CPEB1: variants seen among roughly 807,000 people sequenced by gnomAD.
The protein encoded by CPEB1 is cytoplasmic polyadenylation element-binding protein 1.
Under a neutral mutation model 65.8 loss-of-function variants are expected in CPEB1, and 7 were observed. The ratio of observed to expected loss-of-function variants is 0.11; its 90% confidence interval spans 0.06 to 0.20. The LOEUF is 0.20. Ranked by LOEUF, CPEB1 falls within the 10% of genes least tolerant of loss-of-function variation. CPEB1 has a pLI of 1.00. For missense variants in CPEB1, 551 were observed against 712.2 expected (o/e 0.77, Z 2.58); for synonymous variants, 262 against 260.0 (o/e 1.01, Z -0.08).
At chr15:82,646,667 A>G (rs2047565203) in intron 1 of CPEB1, among the ~76,000 whole-genome samples, 1 of 152,094 alleles carries the variant, frequency 6.6e-6, no homozygotes, top group Non-Finnish European at 1.5e-5. Context: ...TTTCTCGGTC[A>G]CGGGGTCAAC....
At chr15:82,575,803 TGTCA>T (rs1275574344) in intron 3 of CPEB1, among the ~76,000 whole-genome samples, 1 of 152,138 alleles carries the variant, frequency 6.6e-6, no homozygotes, top group East Asian at 1.9e-4. Flanking sequence ...CATTTGATGT[TGTCA>T]ATCAAAGCTT....
At chr15:82,638,367 A>G (rs1404683294) in intron 1 of CPEB1, among the ~76,000 whole-genome samples, 1 of 152,242 alleles carries the variant, frequency 6.6e-6, no homozygotes, top group Non-Finnish European at 1.5e-5. Context: ...TTATGCAAAT[A>G]TAACAAACGT....
intron 4 of CPEB1, chr15:82,562,448 A>T (rs2038387614): frequency 4.3e-6 from 1 of 234,208 alleles, no homozygotes; most frequent in African/African-American, 2.3e-5. Context: ...AGAAGCACTG[A>T]TCCATACAAA....
At chr15:82,618,395 G>A (rs900682045) in intron 3 of CPEB1, among the ~76,000 whole-genome samples, 2 of 152,078 alleles carry the variant, frequency 1.3e-5, no homozygotes, top group East Asian at 1.9e-4. Context: ...CAATACGTAT[G>A]TATGTATATA....
At chr15:82,625,423 CT>C (rs2045674305) in intron 3 of CPEB1, among the ~76,000 whole-genome samples, 1 of 152,060 alleles carries the variant, frequency 6.6e-6, no homozygotes, top group African/African-American at 2.4e-5. Flanking sequence ...TCACATACTC[CT>C]GCATTTTTGT....
At chr15:82,599,194 G>A (rs1466650087) in intron 3 of CPEB1, among the ~76,000 whole-genome samples, 1 of 152,064 alleles carries the variant, frequency 6.6e-6, no homozygotes. Context: ...TTATGCAGGA[G>A]AATAAAAACG....
chr15:82,546,142 C>T (rs530905010), intron 12 of CPEB1, among the ~76,000 whole-genome samples: 81 of 152,064 alleles, frequency 5.3e-4, no homozygotes, highest in African/African-American at 1.7e-3. Flanking sequence ...CACGGAGTCT[C>T]GCTCTGTCCC....
intron 3 of CPEB1, among the ~76,000 whole-genome samples, chr15:82,590,853 T>C (rs1335379216): frequency 6.6e-6 from 1 of 152,226 alleles, no homozygotes; most frequent in Non-Finnish European, 1.5e-5. Flanking sequence ...GATCTCCTTC[T>C]TCACGGCTGT....
intron 3 of CPEB1, among the ~76,000 whole-genome samples, chr15:82,591,716 T>C (rs1347795433): frequency 6.6e-6 from 1 of 152,166 alleles, no homozygotes; most frequent in Non-Finnish European, 1.5e-5. Flanking sequence ...CAACCATGAA[T>C]CTATTTTCTG....
chr15:82,589,670 G>A (rs1418610430), intron 3 of CPEB1, among the ~76,000 whole-genome samples: 7 of 151,546 alleles, frequency 4.6e-5, no homozygotes, highest in Admixed American at 2.0e-4. Context: ...GCAGTGAGCC[G>A]AGATTGCACC....
chr15:82,572,041 CG>C (rs1156700973), intron 3 of CPEB1: 2 of 171,878 alleles, frequency 1.2e-5, no homozygotes, highest in Non-Finnish European at 2.3e-5. Flanking sequence ...TCCTCTCCGC[CG>C]ACAGCAGAGC....
intron 2 of CPEB1, 53 bp from the exon 3 acceptor site, chr15:82,627,420 C>T (rs1444275595): frequency 3.0e-6 from 4 of 1,355,916 alleles, no homozygotes; most frequent in African/African-American, 2.9e-5. Flanking sequence ...TTTATGACCC[C>T]CTTTCTCTCC....
intron 1 of CPEB1, chr15:82,638,501 G>A (rs1243810906): frequency 6.6e-6 from 1 of 152,168 alleles, no homozygotes; most frequent in Non-Finnish European, 1.5e-5. Flanking sequence ...TTTTTCTTCA[G>A]TGCTCAAATT....
At chr15:82,647,597 G>T, upstream of CPEB1, 1 of 324,348 alleles carries the variant, frequency 3.1e-6, no homozygotes, top group Admixed American at 4.9e-5. Flanking sequence ...CGGCTCGGAG[G>T]CCCCACCGGC....
chr15:82,565,015 G>T (rs999020811), intron 4 of CPEB1, among the ~76,000 whole-genome samples: 4 of 152,288 alleles, frequency 2.6e-5, no homozygotes, highest in Non-Finnish European at 4.4e-5. Context: ...GAATTAACAC[G>T]TGGGATGTCA....
Position 82,622,710 on chromosome 15 carries a change from T to G in CPEB1, c.271+4483A>C, listed in dbSNP as rs761151498. Among the ~76,000 whole-genome samples, 47 of 152,176 alleles carry G rather than the reference T, an allele frequency of 3.1e-4. 1 individual carries two copies. Among genetic ancestry groups the G allele is most frequent in the Non-Finnish European group, 6.0e-4 (41 of 68,026 alleles). On this transcript the variant is annotated intron_variant, in intron 3 of 12. Coordinates refer to ENST00000684509, the MANE Select transcript of CPEB1 (RefSeq NM_001365242.1). ...GCACCCAGCCCACATCTCTTCTTCATTAATTTCTATTCAGTCAGGGATAGA... is the reference window on the plus strand; with the variant it reads ...GCACCCAGCCCACATCTCTTCTTCAGTAATTTCTATTCAGTCAGGGATAGA...
chr15:82,619,617 A>G (rs2045106551), intron 3 of CPEB1, among the ~76,000 whole-genome samples: 1 of 152,200 alleles, frequency 6.6e-6, no homozygotes, highest in Non-Finnish European at 1.5e-5. Flanking sequence ...CCTAAGAAAA[A>G]TGAGTATAAG....
At chr15:82,634,100 C>A (rs575673259) in intron 1 of CPEB1, among the ~76,000 whole-genome samples, 95 of 152,150 alleles carry the variant, frequency 6.2e-4, no homozygotes, top group African/African-American at 2.1e-3. Flanking sequence ...AATTATATCA[C>A]TGTTACTCAG....
In CPEB1 at chr15:82,572,861, A is replaced by G. The variant is rs1357296085; in HGVS notation, c.272-1329T>C. On this transcript the variant is annotated intron_variant, in intron 3 of 12. Coordinates refer to ENST00000684509, the MANE Select transcript of CPEB1 (RefSeq NM_001365242.1). ...CTCACAGCTCCAGCAACAAAGACTA[A>G]GAAAATTCAGCTTCTGGAGCTTCCG... 8 of 601,872 alleles carry G rather than the reference A, an allele frequency of 1.3e-5. No homozygotes were observed. The South Asian group carries it at 1.6e-4, about 12-fold the overall frequency. 37.3% of individuals were successfully genotyped at this position (601,872 alleles called of 1,614,324 possible). A position where few individuals can be genotyped will look rare whatever the true frequency, so the allele number is the denominator to read the frequency against.
Sources: gnomAD v4.1 joint callset for allele counts (sites outside exome capture counted in the v4.1 genomes callset) on GRCh38, gnomAD v4.1.1 for gene constraint, MANE v1.5 for transcripts, NCBI Gene and HGNC (gene_info 2026-07-23, HGNC 2026-07-21) for gene names.